The following HTD2 variants were observed in gnomAD, a reference collection of about 807,000 sequenced individuals.
The protein encoded by HTD2 is hydroxyacyl-thioester dehydratase type 2.
A neutral mutation model predicts 3.1 loss-of-function variants in HTD2; 1 was observed. The ratio of observed to expected loss-of-function variants is 0.32; its 90% CI spans 0.11 to 1.52. HTD2 has a LOEUF of 1.52. HTD2 is among the 40% of genes most tolerant of loss of function. The pLI, the probability that HTD2 is intolerant of heterozygous loss-of-function variation, is 0.39. For synonymous variants in HTD2, 50 were observed against 28.9 expected (o/e 1.73, Z -2.34); for missense variants, 150 against 79.6 (o/e 1.88, Z -3.36).
intron 1 of HTD2, among the ~76,000 whole-genome samples, chr3:58,307,361 G>T (rs1207846554): frequency 6.6e-6 from 1 of 152,202 alleles, no homozygotes; most frequent in East Asian, 1.9e-4. Context: ...GGAGAAGCGG[G>T]GGAGTAGGGA....
intron 2 of HTD2, among the ~76,000 whole-genome samples, chr3:58,314,376 A>T (rs901279306): frequency 6.6e-6 from 1 of 152,180 alleles, no homozygotes; most frequent in Non-Finnish European, 1.5e-5. Context: ...ATAATAATAA[A>T]AAAGAAGTAT....
chr3:58,310,646 A>G (rs369201298), intron 2 of HTD2, 55 bp downstream of exon 2: 36 of 1,503,628 alleles, frequency 2.4e-5, no homozygotes, highest in East Asian at 2.3e-4. Flanking sequence ...AGAAATACAG[A>G]AAGAGGCCGG....
At chr3:58,307,180 A>G (rs751135543) in intron 1 of HTD2, among the ~76,000 whole-genome samples, 3 of 152,212 alleles carry the variant, frequency 2.0e-5, no homozygotes, top group Admixed American at 6.5e-5. Flanking sequence ...ATGGCAGGAC[A>G]TGAAGTCAGA....
chr3:58,310,511 T>G lies in HTD2; in HGVS notation c.-411T>G, dbSNP rs747442471. The G allele has an allele frequency of 1.2e-6, 2 of 1,608,942 alleles. No individual in the cohort carries two copies. The highest frequency in any genetic ancestry group is 4.5e-5 in the East Asian group (2 of 44,866). On this transcript the variant is annotated 5_prime_UTR_variant, in exon 2 of 5. Transcript: ENST00000461393. ...TTTTTTTTTCACTTTTTTTAGAGAA[T>G]TTCAAGATTGTGGAGTTGGACTGAA... is the stretch of plus-strand genomic sequence containing the variant.
At chr3:58,306,949 G>T (rs1433312115) in intron 1 of HTD2, among the ~76,000 whole-genome samples, 1 of 152,226 alleles carries the variant, frequency 6.6e-6, no homozygotes, top group Admixed American at 6.5e-5. Context: ...GGGCATGGGG[G>T]TGGGGTGCGG....
chr3:58,313,628 GC>G lies in HTD2; in HGVS notation c.-330-2885del, dbSNP rs747744526. On this transcript the variant is annotated intron_variant, in intron 2 of 4. Coordinates refer to ENST00000461393, the MANE Select transcript of HTD2 (RefSeq NM_001348712.2). Reference sequence around the variant, plus strand: ...ACTTGAGCCCAGGAGTTCCAGGCCAGCCTGGGTATCTGGTGAAACCCCATCT... The same window carrying G: ...ACTTGAGCCCAGGAGTTCCAGGCCAGCTGGGTATCTGGTGAAACCCCATCT... 3.9e-5 allele frequency among the ~76,000 whole-genome samples: 6 copies of G among 152,290 alleles called. No individual in the cohort carries two copies. The East Asian group carries it at 9.7e-4, about 25-fold the overall frequency.
rs930656684 is a variant in HTD2 at position 58,317,822 on chromosome 3, A to G, written c.209A>G (p.Glu70Gly). 2 of 703,028 alleles carry G rather than the reference A, an allele frequency of 2.8e-6. No homozygotes were observed. The highest frequency in any genetic ancestry group is 5.2e-6 in the Non-Finnish European group (2 of 384,994). 43.5% of individuals were successfully genotyped at this position (703,028 alleles called of 1,614,324 possible). ...GATGTCAATCCTTTGCATTTGAATG[A>G]AGACTTTGCAAAACACACCAAGTTT... The part of the protein sequence containing the change: ...TGDVNPLHLN[E>G]DFAKHTKFGN... Residue 70 changes from glutamate to glycine, a missense_variant, in exon 5 of 5, where the codon GAA becomes GGA. Glu to Gly is a moderately conservative substitution (Grantham distance 98). Coordinates refer to ENST00000461393, the MANE Select transcript of HTD2 (RefSeq NM_001348712.2).
chr3:58,310,854 C>T (rs1051649602), intron 2 of HTD2, among the ~76,000 whole-genome samples: 2 of 151,120 alleles, frequency 1.3e-5, no homozygotes, highest in Admixed American at 6.6e-5. Flanking sequence ...TGCTTGAACC[C>T]GGGAGGCAGA....
Position 58,317,473 on chromosome 3 carries a change from A to C in HTD2, c.-141A>C, listed in dbSNP as rs1388422734. 1.9e-6 allele frequency: 3 copies of C among 1,598,348 alleles called. No individual in the cohort carries two copies. The highest frequency in any genetic ancestry group is 2.6e-6 in the Non-Finnish European group (3 of 1,166,862). Reference sequence around the variant, plus strand: ...ATTTCTTCTTGCATTATCTGGTAATAGTAGGGAACTAGTATTGGATTGAAT... The same window carrying C: ...ATTTCTTCTTGCATTATCTGGTAATCGTAGGGAACTAGTATTGGATTGAAT... On this transcript the variant is annotated 5_prime_UTR_variant, in exon 5 of 5. Transcript: ENST00000461393.
At chr3:58,316,000 C>T (rs962967509) in intron 2 of HTD2, among the ~76,000 whole-genome samples, 12 of 152,146 alleles carry the variant, frequency 7.9e-5, no homozygotes, top group Non-Finnish European at 1.5e-4. Flanking sequence ...TCTTTGTGAT[C>T]TCTTGTGAGT....
intron 2 of HTD2, 92 bp downstream of exon 2, chr3:58,310,683 A>T (rs1559793207): frequency 1.1e-5 from 11 of 1,043,116 alleles, no homozygotes; most frequent in Non-Finnish European, 1.6e-5. Context: ...CTGTAATCCC[A>T]GCACTTTGGA....
Position 58,316,994 on chromosome 3 carries a change from G to T in HTD2, c.-175+1G>T. 1 of 1,609,748 alleles carries T rather than the reference G, an allele frequency of 6.2e-7. No individual in the cohort carries two copies. The highest frequency in any genetic ancestry group is 8.5e-7 in the Non-Finnish European group (1 of 1,176,284). Reference sequence around the variant, plus strand: ...AAAATGTGCTTTCCGGGTGATTCAGGTAAAGACTATTCCCTCACATATTCC... The same window carrying T: ...AAAATGTGCTTTCCGGGTGATTCAGTTAAAGACTATTCCCTCACATATTCC... On this transcript the variant is annotated splice_donor_variant, in intron 4 of 4. Coordinates refer to ENST00000461393, the MANE Select transcript of HTD2 (RefSeq NM_001348712.2). LOFTEE classifies it low-confidence loss of function (5UTR_SPLICE).
At chr3:58,311,304 G>C (rs150324744) in intron 2 of HTD2, among the ~76,000 whole-genome samples, 13 of 152,088 alleles carry the variant, frequency 8.5e-5, no homozygotes, top group Non-Finnish European at 1.6e-4. Flanking sequence ...ACAGGCACAC[G>C]CTACCATGCC....
intron 1 of HTD2, among the ~76,000 whole-genome samples, chr3:58,309,496 AG>A (rs1221528753): frequency 1.3e-5 from 2 of 152,264 alleles, no homozygotes; most frequent in Non-Finnish European, 2.9e-5. Flanking sequence ...GTAAGAGTAC[AG>A]TGATTTGACA....
chr3:58,307,168 G>A (rs2097476195), intron 1 of HTD2, among the ~76,000 whole-genome samples: 1 of 152,212 alleles, frequency 6.6e-6, no homozygotes, highest in African/African-American at 2.4e-5. Context: ...AGCGGAGGGA[G>A]AATGGCAGGA....
chr3:58,316,635 G>A (rs2097488558), intron 3 of HTD2, 44 bp downstream of exon 3: 1 of 1,509,062 alleles, frequency 6.6e-7, no homozygotes, highest in Non-Finnish European at 9.2e-7. Context: ...AGGGCAGAGA[G>A]ACCGATGGAG....
rs779842307 is a variant in HTD2 at position 58,317,398 on chromosome 3, G to A, written c.-174-42G>A. 7.3e-6 allele frequency: 10 copies of A among 1,365,280 alleles called. No homozygotes were observed. In the African/African-American group the frequency reaches 1.3e-4, roughly 18 times the overall value. 84.6% of individuals were successfully genotyped at this position (1,365,280 alleles called of 1,614,324 possible). On this transcript the variant is annotated intron_variant, in intron 4 of 4. Transcript: ENST00000461393. ...TTTCCCCATTGCCCTGTGCTTCAGT[G>A]TGGTTTCTCCCAATGCCTTAACCTT... is the stretch of plus-strand genomic sequence containing the variant.
Position 58,310,510 on chromosome 3 carries a change from A to C in HTD2, c.-412A>C. The stretch of plus-strand genomic sequence containing the variant: ...TTTTTTTTTTCACTTTTTTTAGAGA[A>C]TTTCAAGATTGTGGAGTTGGACTGA... On this transcript the variant is annotated 5_prime_UTR_variant, in exon 2 of 5. Transcript: ENST00000461393. 1.9e-6 allele frequency: 3 copies of C among 1,607,954 alleles called. No homozygotes were observed. The highest frequency in any genetic ancestry group is 2.5e-6 in the Non-Finnish European group (3 of 1,178,264).
intron 1 of HTD2, 199 bp from the exon 2 acceptor site, chr3:58,310,308 G>T: frequency 6.2e-7 from 1 of 1,609,518 alleles, no homozygotes; most frequent in Middle Eastern, 1.7e-4. Context: ...ACTTACTGTA[G>T]GTGTGATCAG....
Sources: gnomAD v4.1 joint callset for allele counts (sites outside exome capture counted in the v4.1 genomes callset) on GRCh38, gnomAD v4.1.1 for gene constraint, MANE v1.5 for transcripts, NCBI Gene and HGNC (gene_info 2026-07-23, HGNC 2026-07-21) for gene names.